Variants in ZNF705G observed in about 807,000 individuals in gnomAD.
The protein encoded by ZNF705G is zinc finger protein 705G.
Under a neutral mutation model 19.6 loss-of-function variants are expected in ZNF705G, and 23 were observed. That is an observed-to-expected ratio of 1.17 (90% CI 0.84 to 1.66). The LOEUF (loss-of-function observed/expected upper bound fraction) is 1.66. ZNF705G is among the 40% of genes most tolerant of loss of function. The probability of loss-of-function intolerance (pLI) is 0.00; values close to 1 mark genes in which losing one functional copy is unlikely to be tolerated. For missense variants in ZNF705G, 457 were observed against 354.4 expected, an observed-to-expected ratio of 1.29 and a Z score of -2.32; for synonymous variants, 146 against 117.7, an observed-to-expected ratio of 1.24 and a Z score of -1.56.
At chr8:7,361,919 T>G (rs1806619212) in intron 3 of ZNF705G, among the ~76,000 whole-genome samples, 1 of 149,540 alleles carries the variant, frequency 6.7e-6, no homozygotes, top group African/African-American at 2.6e-5. Flanking sequence ...ATAATTCAGG[T>G]ATTCATGACA....
Position 7,358,441 on chromosome 8 carries a change from G to T in ZNF705G, c.438C>A (p.Ser146Arg), listed in dbSNP as rs1408628014. 9 of 1,607,698 alleles carry T rather than the reference G, an allele frequency of 5.6e-6. No homozygotes were observed. The highest frequency in any genetic ancestry group is 2.2e-5 in the East Asian group (1 of 44,860). The change falls in exon 7 of 7, where the codon AGC (serine) becomes AGA (arginine). Residue 146 changes from serine to arginine, a missense_variant. Transcript: ENST00000400156. Reference sequence around the variant, plus strand: ...TACGAAGGGATTTTCCACACTGTTTGCTGACATAGGGTTTCTTTCCACTAT... The same window carrying T: ...TACGAAGGGATTTTCCACACTGTTTTCTGACATAGGGTTTCTTTCCACTAT... ...LTHSGKKPYV[S>R]KQCGKSLRNL...
chr8:7,376,693 T>C (rs1563300524), intron 2 of ZNF705G, among the ~76,000 whole-genome samples: 1 of 150,058 alleles, frequency 6.7e-6, no homozygotes, highest in Non-Finnish European at 1.5e-5. Context: ...GAGATATGAG[T>C]AGTGAGTGAA....
chr8:7,381,111 A>G (rs1199843591), intron 2 of ZNF705G, among the ~76,000 whole-genome samples: 1 of 126,508 alleles, frequency 7.9e-6, no homozygotes, highest in East Asian at 2.1e-4. Context: ...ATTATTTGTT[A>G]TTAGTATTAG....
Position 7,365,798 on chromosome 8 carries a change from C to T in ZNF705G, c.-71-2781G>A, listed in dbSNP as rs181052417. Among the ~76,000 whole-genome samples, 35 of 149,758 alleles carry T rather than the reference C, an allele frequency of 2.3e-4. 3 individuals are homozygous for T. Among genetic ancestry groups the T allele is most frequent in the African/African-American group, 7.9e-4 (31 of 39,150 alleles). On this transcript the variant is annotated intron_variant, in intron 2 of 6. Coordinates refer to ENST00000400156, the MANE Select transcript of ZNF705G (RefSeq NM_001164457.3). The stretch of plus-strand genomic sequence containing the variant: ...CCTAGCCCTTTCACGGCTATTTAGA[C>T]ACAACTTAGTGAAGTATTAGGAATG...
At chr8:7,382,419 A>G (rs540412613) in intron 1 of ZNF705G, among the ~76,000 whole-genome samples, 1 of 146,782 alleles carries the variant, frequency 6.8e-6, no homozygotes, top group East Asian at 1.9e-4. Context: ...TTTTTTCCCC[A>G]GAATAAATTA....
chr8:7,359,286 A>T (rs191800857), intron 6 of ZNF705G, among the ~76,000 whole-genome samples: 2 of 149,632 alleles, frequency 1.3e-5, no homozygotes, highest in African/African-American at 5.1e-5. Flanking sequence ...TCGATTGACA[A>T]TTGCATACAC....
At chr8:7,368,857 G>C (rs1413949823) in intron 2 of ZNF705G, among the ~76,000 whole-genome samples, 9 of 149,736 alleles carry the variant, frequency 6.0e-5, no homozygotes, top group Non-Finnish European at 1.0e-4. Flanking sequence ...GCTTTAGAGG[G>C]TGCAAGCCAC....
Position 7,368,314 on chromosome 8 carries a change from T to A in ZNF705G, c.-71-5297A>T, listed in dbSNP as rs536623614. The stretch of plus-strand genomic sequence containing the variant: ...TATGAACATTAATTCCTTTTTTTAA[T>A]CATAAGTACTTTTGAGTGTATTATA... On this transcript the variant is annotated intron_variant, in intron 2 of 6. Transcript: ENST00000400156. 2.9e-4 allele frequency among the ~76,000 whole-genome samples: 43 copies of A among 149,624 alleles called. 3 individuals are homozygous for A. Among genetic ancestry groups the A allele is most frequent in the African/African-American group, 9.5e-4 (37 of 39,042 alleles).
chr8:7,359,734 G>T (rs55911900), intron 5 of ZNF705G, 33 bp from the exon 6 acceptor site: 78,186 of 1,598,380 alleles, frequency 0.049, 1,360 homozygotes, highest in Non-Finnish European at 0.056. Context: ...TGTTACATTG[G>T]TATTATGGTA....
rs753201476 is a variant in ZNF705G at position 7,360,194 on chromosome 8, C to A, written c.235+43G>T. ...ATATTCAACTGATATTATTCATTGA[C>A]AAAGCACCTCCTCCTATTAGAGCAC... On this transcript the variant is annotated intron_variant, in intron 5 of 6. Transcript: ENST00000400156. The A allele has an allele frequency of 3.2e-6, 5 of 1,584,282 alleles. No homozygotes were observed. In the African/African-American group the frequency reaches 4.4e-5, roughly 14 times the overall value.
chr8:7,378,785 C>T lies in ZNF705G; in HGVS notation c.-72+2667G>A, dbSNP rs1335199861. ...TTTTAGGACTCATGATTACATTGGG[C>T]CCACCTGGATAATCTAAGATAATCT... On this transcript the variant is annotated intron_variant, in intron 2 of 6. Coordinates refer to ENST00000400156, the MANE Select transcript of ZNF705G (RefSeq NM_001164457.3). Among the ~76,000 whole-genome samples, 11 of 145,858 alleles carry T rather than the reference C, an allele frequency of 7.5e-5. 2 individuals carry two copies. Among genetic ancestry groups the T allele is most frequent in the African/African-American group, 3.1e-4 (11 of 35,532 alleles).
At position 7,359,647 on chromosome 8, in the gene ZNF705G, C is replaced by T. The variant is rs1482764284; in HGVS notation, c.290G>A (p.Arg97Lys). The change falls in exon 6 of 7, where the codon AGA becomes AAA. Residue 97 changes from arginine to lysine, a missense_variant. Arg to Lys is a conservative substitution (Grantham distance 26). Coordinates refer to ENST00000400156, the MANE Select transcript of ZNF705G (RefSeq NM_001164457.3). ...THMISMHPITRKDASTSMTME... is the reference protein window; with the variant it reads ...THMISMHPITKKDASTSMTME... ...TGTCATACTGGTGGATGCGTCTTTT[C>T]TGGTGATAGGATGCATGGATATCAT... 1.9e-6 allele frequency: 3 copies of T among 1,606,656 alleles called. No homozygotes were observed. Among genetic ancestry groups the T allele is most frequent in the Non-Finnish European group, 2.5e-6 (3 of 1,179,312 alleles).
intron 2 of ZNF705G, among the ~76,000 whole-genome samples, chr8:7,371,261 C>A (rs76245546): frequency 0.34 from 23,197 of 68,560 alleles, 5,410 homozygotes; most frequent in African/African-American, 0.56. Context: ...AATCTAAAAT[C>A]GACAAACTCA....
chr8:7,369,042 C>T, intron 2 of ZNF705G, among the ~76,000 whole-genome samples: 1 of 149,574 alleles, frequency 6.7e-6, no homozygotes, highest in Non-Finnish European at 1.5e-5. Context: ...TCTTACATCA[C>T]AGCAGGCAAG....
intron 2 of ZNF705G, among the ~76,000 whole-genome samples, chr8:7,367,249 C>G (rs578002066): frequency 6.7e-6 from 1 of 149,422 alleles, no homozygotes; most frequent in South Asian, 2.1e-4. Context: ...CAGGAGAGGG[C>G]TCTTCCCCTA....
Position 7,355,854 on chromosome 8 carries a change from T to A in ZNF705G, c.*2122A>T, listed in dbSNP as rs1241481360. ...ACAGTCCTTGCCTCTCCAACCAGTT[T>A]GCCAAGGGCTTGAATTTCTTGCTCA... On this transcript the variant is annotated 3_prime_UTR_variant, in exon 7 of 7. Transcript: ENST00000400156. The A allele has an allele frequency of 1.3e-5, 2 of 149,652 alleles. No homozygotes were observed. Among genetic ancestry groups the A allele is most frequent in the Non-Finnish European group, 2.9e-5 (2 of 68,018 alleles). 9.3% of individuals were successfully genotyped at this position (149,652 alleles called of 1,614,324 possible). A position where few individuals can be genotyped will look rare whatever the true frequency, so the allele number is the denominator to read the frequency against.
intron 4 of ZNF705G, among the ~76,000 whole-genome samples, chr8:7,360,602 C>T (rs1265060139): frequency 6.7e-6 from 1 of 149,410 alleles, no homozygotes; most frequent in East Asian, 1.9e-4. Flanking sequence ...AGACGCAATG[C>T]ATAATACACA....
intron 2 of ZNF705G, among the ~76,000 whole-genome samples, chr8:7,363,361 C>G (rs1371883716): frequency 6.7e-6 from 1 of 148,314 alleles, no homozygotes; most frequent in Non-Finnish European, 1.5e-5. Flanking sequence ...ATGATTTCCA[C>G]CTATAGATAA....
chr8:7,364,576 T>C lies in ZNF705G; in HGVS notation c.-71-1559A>G, dbSNP rs1378617779. ...ATTATATTCTGCGTGTCGCTGCCTC[T>C]TCTTGCTTTTTGACAAAATTACTCC... On this transcript the variant is annotated intron_variant, in intron 2 of 6. Coordinates refer to ENST00000400156, the MANE Select transcript of ZNF705G (RefSeq NM_001164457.3). Among the ~76,000 whole-genome samples, 5 of 149,564 alleles carry C rather than the reference T, an allele frequency of 3.3e-5. 1 individual carries two copies. Among genetic ancestry groups the C allele is most frequent in the African/African-American group, 1.3e-4 (5 of 38,948 alleles).
Sources: gnomAD v4.1 joint callset for allele counts (sites outside exome capture counted in the v4.1 genomes callset) on GRCh38, gnomAD v4.1.1 for gene constraint, MANE v1.5 for transcripts, NCBI Gene and HGNC (gene_info 2026-07-23, HGNC 2026-07-21) for gene names.